The following GRIK5 variants were observed in gnomAD, a reference collection of about 807,000 sequenced individuals.
The protein encoded by GRIK5 is glutamate ionotropic receptor kainate type subunit 5.
Under a neutral mutation model 97.4 loss-of-function variants are expected in GRIK5, and 43 were observed. The observed-to-expected ratio is 0.44, with a 90% CI of 0.35 to 0.57. The LOEUF (loss-of-function observed/expected upper bound fraction) is 0.57. Among genes scored for constraint, GRIK5 ranks in the 20% least tolerant of loss-of-function variants. The pLI, the probability that GRIK5 is intolerant of heterozygous loss-of-function variation, is 0.01. For synonymous variants in GRIK5, 580 were observed against 583.5 expected, an observed-to-expected ratio of 0.99 and a Z score of 0.09; for missense variants, 1,015 against 1,382.0, an observed-to-expected ratio of 0.73 and a Z score of 4.21.
chr19:42,035,850 T>C (rs1307469912), intron 12 of GRIK5, among the ~76,000 whole-genome samples: 1 of 152,232 alleles, frequency 6.6e-6, no homozygotes, highest in African/African-American at 2.4e-5. Flanking sequence ...TTTTATCATT[T>C]AGTATTACAT....
At position 42,065,379 on chromosome 19, in the gene GRIK5, G is replaced by A; in HGVS notation, c.88C>T (p.Leu30=). Residue 30 remains leucine (L), a synonymous_variant, in exon 3 of 20, where the codon CTG becomes TTG. Coordinates refer to ENST00000593562, the MANE Select transcript of GRIK5 (RefSeq NM_002088.5). The surrounding 1 kb of genome is among the most constrained non-coding windows in gnomAD (Gnocchi z 5.8). ...VLSSLRMAAI[L]DDQTVCGRGE... ...CGGCCACACACTGTCTGATCATCCAGGATTGCAGCTGAGGGGACACATGGG... is the reference window on the plus strand; with the variant it reads ...CGGCCACACACTGTCTGATCATCCAAGATTGCAGCTGAGGGGACACATGGG... 6.3e-7 allele frequency: 1 copy of A among 1,586,890 alleles called. No individual in the cohort carries two copies. The highest frequency in any genetic ancestry group is 1.1e-5 in the South Asian group (1 of 89,424).
intron 1 of GRIK5, 23 bp downstream of exon 1, chr19:42,069,218 A>C: frequency 6.4e-6 from 2 of 312,920 alleles, no homozygotes; most frequent in Non-Finnish European, 5.8e-6. Context: ...ACCCAGCCCA[A>C]TCCCTGCCCT....
intron 12 of GRIK5, among the ~76,000 whole-genome samples, chr19:42,024,320 C>A (rs2075741950): frequency 6.6e-6 from 1 of 151,198 alleles, no homozygotes; most frequent in Non-Finnish European, 1.5e-5. Context: ...TCAAGCAATT[C>A]TCCTGCCTCA....
At chr19:42,001,440 G>T (rs1490333658) in intron 19 of GRIK5, among the ~76,000 whole-genome samples, 2 of 152,184 alleles carry the variant, frequency 1.3e-5, no homozygotes, top group Admixed American at 6.5e-5. Flanking sequence ...TGTTGGCCAT[G>T]CTGGTCTTGA....
chr19:42,010,725 A>G (rs1210855783), intron 15 of GRIK5, among the ~76,000 whole-genome samples: 2 of 152,236 alleles, frequency 1.3e-5, no homozygotes, highest in African/African-American at 4.8e-5. Context: ...GATGTACCAG[A>G]AGGGGTGAAG....
intron 3 of GRIK5, chr19:42,063,630 TG>T (rs2076289319): frequency 3.7e-6 from 1 of 271,218 alleles, no homozygotes; most frequent in Non-Finnish European, 7.3e-6. Flanking sequence ...GATGTAAGCT[TG>T]GTGCTGCTGG....
intron 1 of GRIK5, among the ~76,000 whole-genome samples, chr19:42,066,960 G>A (rs914204207): frequency 1.3e-5 from 2 of 152,132 alleles, no homozygotes; most frequent in African/African-American, 4.8e-5. Context: ...AAGTAAAGGG[G>A]GAGATGGTGC....
intron 11 of GRIK5, among the ~76,000 whole-genome samples, chr19:42,044,627 G>C (rs1037207857): frequency 6.6e-6 from 1 of 152,204 alleles, no homozygotes; most frequent in African/African-American, 2.4e-5. Context: ...TAGGACTTAG[G>C]GAAGAGCCAG....
chr19:42,052,556 C>G (rs1218635859), intron 11 of GRIK5, among the ~76,000 whole-genome samples: 1 of 152,228 alleles, frequency 6.6e-6, no homozygotes, highest in Admixed American at 6.5e-5. Context: ...AGGTGGCCCT[C>G]TAACATCCTG....
chr19:42,003,377 G>A lies in GRIK5; in HGVS notation c.2469C>T (p.Val823=), dbSNP rs781850028. The A allele has an allele frequency of 6.2e-7, 1 of 1,613,250 alleles. No homozygotes were observed. Among genetic ancestry groups the A allele is most frequent in the Admixed American group, 1.7e-5 (1 of 59,974 alleles). ...CGLIIAVFVA[V]MEFIWSTRRS... is the part of the protein sequence containing the mutation. ...TCCGTGTGGACCATATGAATTCCAT[G>A]ACCGCCACGAAGACAGCAATGATGA... Residue 823 remains valine, a synonymous_variant, in exon 19 of 20, where the codon GTC becomes GTT. Transcript: ENST00000593562. The surrounding 1 kb of genome is among the most constrained non-coding windows in gnomAD (Gnocchi z 4.2).
intron 8 of GRIK5, among the ~76,000 whole-genome samples, chr19:42,055,231 A>G (rs2076167364): frequency 6.6e-6 from 1 of 152,142 alleles, no homozygotes; most frequent in Non-Finnish European, 1.5e-5. Flanking sequence ...CAGCTGTGTT[A>G]GTGTGAAGGT....
At position 42,069,801 on chromosome 19, in the gene GRIK5, C is replaced by T. The variant is rs1051869451; in HGVS notation, c.-611G>A. On this transcript the variant is annotated 5_prime_UTR_variant, in exon 1 of 20. Coordinates refer to ENST00000593562, the MANE Select transcript of GRIK5 (RefSeq NM_002088.5). ...GGCCCTGCCCTGGTTGAGGCAAGGG[C>T]CCGGAGTCCTCAAGCCCTCAGCCCC... Among the ~76,000 whole-genome samples, 1 of 151,956 alleles carries T rather than the reference C, an allele frequency of 6.6e-6. No individual in the cohort carries two copies. Among genetic ancestry groups the T allele is most frequent in the Non-Finnish European group, 1.5e-5 (1 of 67,930 alleles).
rs1171639493 is a variant in GRIK5 at position 42,022,309 on chromosome 19, C to T, written c.1519G>A (p.Glu507Lys). ...GGCTTGGAAAAGTCGATGACCTTCT[C>T]CCGCTCAGCTGTGATGGTGAAGGCG... ...VAAFTITAER[E>K]KVIDFSKPFM... Residue 507 changes from glutamate (E) to lysine (K), a missense_variant, in exon 13 of 20, where the codon GAG (glutamate) becomes AAG (lysine). Physicochemically the swap from Glu to Lys is moderately conservative, Grantham distance 56. Around this residue, in one of 5 missense-constraint regions of GRIK5, gnomAD observed 477 missense variants for 701.1 expected, o/e 0.68. Transcript: ENST00000593562. This position sits in a 1 kb window ranked among gnomAD's most constrained non-coding sequence, Gnocchi z 4.2. The T allele has an allele frequency of 1.2e-6, 2 of 1,614,006 alleles. No homozygotes were observed. Among genetic ancestry groups the T allele is most frequent in the Non-Finnish European group, 8.5e-7 (1 of 1,180,016 alleles).
At position 42,037,743 on chromosome 19, in the gene GRIK5, G is replaced by A. The variant is rs146295017; in HGVS notation, c.1473+4809C>T. The stretch of plus-strand genomic sequence containing the variant: ...CTCTCAGCTCTGTCAGTAGAAGAGC[G>A]TCCCCTCACCCAAAGTCCTGACTCT... On this transcript the variant is annotated intron_variant, in intron 12 of 19. Coordinates refer to ENST00000593562, the MANE Select transcript of GRIK5 (RefSeq NM_002088.5). 2.6e-5 allele frequency among the ~76,000 whole-genome samples: 4 copies of A among 152,268 alleles called. No individual in the cohort carries two copies. The East Asian group carries it at 7.7e-4, about 29-fold the overall frequency.
intron 15 of GRIK5, among the ~76,000 whole-genome samples, chr19:42,014,661 T>C (rs531835595): frequency 1.1e-4 from 16 of 152,176 alleles, no homozygotes; most frequent in Non-Finnish European, 1.5e-5. Context: ...CATGAACCTG[T>C]AGTCCCAGCT....
At position 42,022,169 on chromosome 19, in the gene GRIK5, G is replaced by A. The variant is rs2075707543; in HGVS notation, c.1587+72C>T. The stretch of plus-strand genomic sequence containing the variant: ...CCGGCCCATCTGAGGTCCTGGGGCT[G>A]TCTGGCTCCCACTCGCAGGCCCTGA... On this transcript the variant is annotated intron_variant, in intron 13 of 19. Transcript: ENST00000593562. This position sits in a 1 kb window ranked among gnomAD's most constrained non-coding sequence, Gnocchi z 4.2. The A allele has an allele frequency of 7.0e-6, 10 of 1,429,716 alleles. No homozygotes were observed. The Admixed American group carries it at 1.4e-4, about 20-fold the overall frequency. The allele number at this position is 1,429,716 out of a possible 1,614,324, so 88.6% of individuals were successfully genotyped here. A position where few individuals can be genotyped will look rare whatever the true frequency, so the allele number is the denominator to read the frequency against.
chr19:42,041,217 G>A (rs900590701), intron 12 of GRIK5, among the ~76,000 whole-genome samples: 1 of 152,236 alleles, frequency 6.6e-6, no homozygotes, highest in African/African-American at 2.4e-5. Context: ...TCTGGCATGA[G>A]AGAGAGGAGG....
Position 42,056,767 on chromosome 19 carries a change from GC to G in GRIK5, c.797del (p.Gly266AlafsTer41). 6.2e-7 allele frequency: 1 copy of G among 1,614,082 alleles called. No individual in the cohort carries two copies. The highest frequency in any genetic ancestry group is 8.5e-7 in the Non-Finnish European group (1 of 1,179,946). ...GIVEDSSNIL[G>X]FSMFNTSHPF... is the part of the protein sequence containing the mutation. ...GGTGGGACGTGTTGAACATGGAGAA[GC>G]CCAGGATGTTGGAGGAGTCCTCCAC... On this transcript the variant is annotated frameshift_variant, in exon 8 of 20. Coordinates refer to ENST00000593562, the MANE Select transcript of GRIK5 (RefSeq NM_002088.5). LOFTEE classifies it high-confidence loss of function.
chr19:42,044,728 T>C (rs1343351685), intron 11 of GRIK5, among the ~76,000 whole-genome samples: 7 of 152,230 alleles, frequency 4.6e-5, no homozygotes, highest in African/African-American at 1.7e-4. Context: ...GACAGGTGGA[T>C]GGCTTGAGCC....
Sources: gnomAD v4.1 joint callset for allele counts (sites outside exome capture counted in the v4.1 genomes callset) on GRCh38, gnomAD v4.1.1 for gene constraint, gnomAD v4.1.1 regional missense constraint, Gnocchi (gnomAD v3.1) non-coding constraint, MANE v1.5 for transcripts, NCBI Gene and HGNC (gene_info 2026-07-23, HGNC 2026-07-21) for gene names.